The following ST3GAL3 variants were observed in gnomAD, a reference collection of about 807,000 sequenced individuals.
ST3GAL3 encodes the protein ST3 beta-galactoside alpha-2,3-sialyltransferase 3.
Under a neutral mutation model 50.1 loss-of-function variants are expected in ST3GAL3, and 21 were observed. The observed-to-expected ratio is 0.42, with a 90% CI of 0.30 to 0.60. ST3GAL3 has a LOEUF of 0.60. Among genes scored for constraint, ST3GAL3 ranks in the 20% least tolerant of loss-of-function variants. The pLI is 0.19. For synonymous variants in ST3GAL3, 183 were observed against 190.0 expected (o/e 0.96, Z 0.30); for missense variants, 353 against 489.4 (o/e 0.72, Z 2.63).
intron 1 of ST3GAL3, among the ~76,000 whole-genome samples, chr1:43,719,664 CA>C (rs370141928): frequency 6.7e-5 from 9 of 135,074 alleles, no homozygotes; most frequent in African/African-American, 8.1e-5. Flanking sequence ...AACTCTGTCT[CA>C]AAAAAAAAAG....
chr1:43,870,991 T>C (rs887956970), intron 5 of ST3GAL3, among the ~76,000 whole-genome samples: 2 of 152,140 alleles, frequency 1.3e-5, no homozygotes, highest in African/African-American at 4.8e-5. Flanking sequence ...AAGTAACCCC[T>C]GTGCCAGAAA....
At chr1:43,794,604 T>C (rs551571381) in intron 3 of ST3GAL3, among the ~76,000 whole-genome samples, 43 of 152,350 alleles carry the variant, frequency 2.8e-4, no homozygotes, top group African/African-American at 8.7e-4. Context: ...ACAGGACATA[T>C]ATATGCAAGA....
At chr1:43,741,220 T>A (rs1022042369) in intron 2 of ST3GAL3, among the ~76,000 whole-genome samples, 5 of 152,056 alleles carry the variant, frequency 3.3e-5, no homozygotes, top group African/African-American at 1.2e-4. Context: ...TGCCAGCTAC[T>A]CGAGAGGCTG....
chr1:43,837,872 T>G lies in ST3GAL3; in HGVS notation c.210-347T>G, dbSNP rs573077158. On this transcript the variant is annotated intron_variant, in intron 4 of 11. Transcript: ENST00000347631. The stretch of plus-strand genomic sequence containing the variant: ...GATACCATCCAGGGGCCTGACTTAT[T>G]TATCTATCTATTCCTTTAGGGTTGG... Among the ~76,000 whole-genome samples, 8 of 152,276 alleles carry G rather than the reference T, an allele frequency of 5.3e-5. No individual in the cohort carries two copies. The East Asian group carries it at 9.6e-4, about 18-fold the overall frequency.
At chr1:43,882,718 A>G (rs2075345589) in intron 5 of ST3GAL3, among the ~76,000 whole-genome samples, 1 of 152,196 alleles carries the variant, frequency 6.6e-6, no homozygotes. Flanking sequence ...GCAGCCATAC[A>G]TTGTTTAAAT....
At chr1:43,797,554 T>C (rs1558340239) in intron 3 of ST3GAL3, among the ~76,000 whole-genome samples, 1 of 152,188 alleles carries the variant, frequency 6.6e-6, no homozygotes, top group Non-Finnish European at 1.5e-5. Flanking sequence ...CATGGTCTTA[T>C]TAATTGATGA....
At chr1:43,867,265 T>C (rs1371090312) in intron 5 of ST3GAL3, among the ~76,000 whole-genome samples, 2 of 152,152 alleles carry the variant, frequency 1.3e-5, no homozygotes, top group Admixed American at 1.3e-4. Flanking sequence ...GGAGTTACAA[T>C]TCAAGATGAA....
At chr1:43,898,433 G>C (rs2077712437) in intron 7 of ST3GAL3, 135 bp downstream of exon 7, 2 of 913,980 alleles carry the variant, frequency 2.2e-6, no homozygotes, top group East Asian at 2.5e-5. Flanking sequence ...TACACACACA[G>C]GGTGGGTGGA....
intron 2 of ST3GAL3, among the ~76,000 whole-genome samples, chr1:43,755,643 A>AT (rs1448368607): frequency 6.6e-6 from 1 of 152,214 alleles, no homozygotes; most frequent in African/African-American, 2.4e-5. Context: ...GTTGTTAGAA[A>AT]TAACAGACCA....
At chr1:43,838,560 T>C (rs1017613594) in intron 5 of ST3GAL3, 8 of 455,690 alleles carry the variant, frequency 1.8e-5, no homozygotes, top group Middle Eastern at 6.3e-4. Context: ...ATAACCTACA[T>C]GGTTGCCGCA....
Position 43,881,332 on chromosome 1 carries a change from A to G in ST3GAL3, c.303-13051A>G, listed in dbSNP as rs758639893. ...AGCCTCTGAGCTTTTTATATTCCCA[A>G]TGACTAGCACAGAGCCTGAGATAAG... On this transcript the variant is annotated intron_variant, in intron 5 of 11. Transcript: ENST00000347631. 4.6e-5 allele frequency among the ~76,000 whole-genome samples: 7 copies of G among 152,218 alleles called. No individual in the cohort carries two copies. The East Asian group carries it at 7.7e-4, about 17-fold the overall frequency.
chr1:43,814,772 A>T, intron 3 of ST3GAL3, 119 bp from the exon 4 acceptor site: 1 of 921,126 alleles, frequency 1.1e-6, no homozygotes, highest in Non-Finnish European at 1.8e-6. Flanking sequence ...TCTTTGAAGC[A>T]GTTGAATTGT....
chr1:43,710,905 A>G (rs1396806851), intron 1 of ST3GAL3, among the ~76,000 whole-genome samples: 1 of 152,212 alleles, frequency 6.6e-6, no homozygotes, highest in Non-Finnish European at 1.5e-5. Flanking sequence ...TTCTACCCAC[A>G]GTATAAGACT....
chr1:43,895,212 A>G (rs1442861750), intron 6 of ST3GAL3, among the ~76,000 whole-genome samples: 1 of 152,096 alleles, frequency 6.6e-6, no homozygotes, highest in Non-Finnish European at 1.5e-5. Flanking sequence ...CCATCCTGAT[A>G]TTTTTCACCT....
chr1:43,789,260 A>G (rs1348432912), intron 2 of ST3GAL3, among the ~76,000 whole-genome samples: 1 of 152,210 alleles, frequency 6.6e-6, no homozygotes, highest in African/African-American at 2.4e-5. Context: ...CAGTCCCAGC[A>G]AAAGATGATA....
At chr1:43,765,764 TGTGTGTGTGTGTGTGTGTGTGCGCGC>T in intron 2 of ST3GAL3, among the ~76,000 whole-genome samples, 1 of 140,996 alleles carries the variant, frequency 7.1e-6, no homozygotes, top group Non-Finnish European at 1.5e-5. Flanking sequence ...TGTGTGTGTG[TGTGTGTGTGTGTGTGTGTGTGCGCGC>T]GCGCGCGCGC....
intron 2 of ST3GAL3, among the ~76,000 whole-genome samples, chr1:43,750,759 G>A (rs755800996): frequency 6.6e-6 from 1 of 151,682 alleles, no homozygotes; most frequent in African/African-American, 2.4e-5. Context: ...TTAGCCCAGC[G>A]TGGTGGTGTG....
At chr1:43,798,613 C>T (rs945780271) in intron 3 of ST3GAL3, among the ~76,000 whole-genome samples, 7 of 152,294 alleles carry the variant, frequency 4.6e-5, no homozygotes, top group South Asian at 2.1e-4. Context: ...CCACTGTCAC[C>T]TCCGCCAGAA....
intron 4 of ST3GAL3, among the ~76,000 whole-genome samples, chr1:43,830,808 G>A (rs180945898): frequency 1.8e-3 from 274 of 152,260 alleles, no homozygotes; most frequent in Non-Finnish European, 2.7e-3. Context: ...TGCCCAATAG[G>A]CATACATTTA....
Sources: allele counts gnomAD v4.1 joint callset (sites outside exome capture counted in the v4.1 genomes callset), GRCh38; gene constraint gnomAD v4.1.1; transcripts MANE v1.5; gene names NCBI Gene and HGNC (gene_info 2026-07-23, HGNC 2026-07-21).